SYNCRIP: variants seen among roughly 807,000 people sequenced by gnomAD.
SYNCRIP encodes heterogeneous nuclear ribonucleoprotein Q.
Under a neutral mutation model 68.9 loss-of-function variants are expected in SYNCRIP, and 9 were observed. The observed-to-expected ratio is 0.13, with a 90% CI of 0.08 to 0.23. The LOEUF (loss-of-function observed/expected upper bound fraction) is 0.23. Among genes scored for constraint, SYNCRIP ranks in the 10% least tolerant of loss-of-function variants. SYNCRIP has a pLI of 1.00. For missense variants in SYNCRIP, 414 were observed against 770.6 expected (o/e 0.54, Z 5.48); for synonymous variants, 258 against 254.0 (o/e 1.02, Z -0.15).
chr6:85,609,179 A>G (rs1370717337), downstream of SYNCRIP: 1 of 151,906 alleles, frequency 6.6e-6, no homozygotes, highest in Non-Finnish European at 1.5e-5. Flanking sequence ...TATTCCTGTA[A>G]GTTTGACGAA....
intron 8 of SYNCRIP, 105 bp from the exon 9 acceptor site, chr6:85,619,522 G>T: frequency 3.1e-6 from 3 of 966,414 alleles, no homozygotes; most frequent in Non-Finnish European, 2.9e-6. Context: ...TCCATTAGAA[G>T]AATGTCAGAA....
Position 85,614,704 on chromosome 6 carries a change from T to A in SYNCRIP, c.*52A>T. The A allele has an allele frequency of 6.6e-7, 1 of 1,507,900 alleles. No homozygotes were observed. Among genetic ancestry groups the A allele is most frequent in the South Asian group, 1.4e-5 (1 of 73,318 alleles). The allele number at this position is 1,507,900 out of a possible 1,614,324, so 93.4% of individuals were successfully genotyped here. On this transcript the variant is annotated 3_prime_UTR_variant, in exon 11 of 11. Transcript: ENST00000369622. ...TAGCGGCACCCGTTCAGATTTAGGG[T>A]GAGTTTCTGATCAACCTATCAGTCT...
At chr6:85,627,946 T>C (rs1807249732) in intron 6 of SYNCRIP, among the ~76,000 whole-genome samples, 1 of 152,178 alleles carries the variant, frequency 6.6e-6, no homozygotes, top group South Asian at 2.1e-4. Context: ...AGTCACCAAA[T>C]TCCCAGAAAT....
intron 3 of SYNCRIP, 27 bp from the exon 4 acceptor site, chr6:85,640,355 T>A: frequency 6.2e-7 from 1 of 1,602,912 alleles, no homozygotes; most frequent in Non-Finnish European, 8.5e-7. Flanking sequence ...CATTAATATT[T>A]AACAATAACC....
At chr6:85,632,992 C>A (rs1807990818) in intron 6 of SYNCRIP, among the ~76,000 whole-genome samples, 1 of 152,064 alleles carries the variant, frequency 6.6e-6, no homozygotes, top group Non-Finnish European at 1.5e-5. Context: ...GTGGCTCACA[C>A]CTGTAATCCC....
At chr6:85,636,736 T>C (rs1004652233) in intron 6 of SYNCRIP, among the ~76,000 whole-genome samples, 1 of 152,322 alleles carries the variant, frequency 6.6e-6, no homozygotes, top group East Asian at 1.9e-4. Context: ...CAGATGTTTA[T>C]AAGAACCAAT....
At chr6:85,629,981 CAA>C (rs71551492) in intron 6 of SYNCRIP, among the ~76,000 whole-genome samples, 11 of 120,198 alleles carry the variant, frequency 9.2e-5, no homozygotes, top group Admixed American at 1.7e-4. Flanking sequence ...GGATTTGTCT[CAA>C]AAAAAAAAAA....
At chr6:85,642,400 A>AGC (rs1474117637) in intron 1 of SYNCRIP, among the ~76,000 whole-genome samples, 1 of 152,144 alleles carries the variant, frequency 6.6e-6, no homozygotes, top group Admixed American at 6.5e-5. Context: ...GAGGGCGTTC[A>AGC]GCGGACGGCT....
At chr6:85,638,336 G>A (rs935700389) in intron 4 of SYNCRIP, among the ~76,000 whole-genome samples, 4 of 128,618 alleles carry the variant, frequency 3.1e-5, no homozygotes, top group Non-Finnish European at 4.6e-5. Context: ...AGCGGAGATC[G>A]CGCCACTGCA....
At chr6:85,609,387 C>T (rs1003643600), downstream of SYNCRIP, 1 of 151,874 alleles carries the variant, frequency 6.6e-6, no homozygotes, top group Admixed American at 6.6e-5. Flanking sequence ...TCATTCTATT[C>T]TTTAAAAACT....
chr6:85,607,869 C>T (rs1009949422), downstream of SYNCRIP: 1 of 151,944 alleles, frequency 6.6e-6, no homozygotes, highest in African/African-American at 2.4e-5. Flanking sequence ...AGCTTCTTTT[C>T]GATAATCAAT....
chr6:85,618,425 C>CAGCT (rs111968351), intron 10 of SYNCRIP, among the ~76,000 whole-genome samples: 2,106 of 151,822 alleles, frequency 0.014, 44 homozygotes, highest in African/African-American at 0.049. Context: ...GCCTGTAACC[C>CAGCT]AGCTACTCAG....
At chr6:85,617,229 A>AC (rs1333572486) in intron 10 of SYNCRIP, among the ~76,000 whole-genome samples, 1 of 152,006 alleles carries the variant, frequency 6.6e-6, no homozygotes, top group Non-Finnish European at 1.5e-5. Flanking sequence ...GTAGCAAGTT[A>AC]AAGTACGAAA....
At chr6:85,642,416 C>T (rs1017537524) in intron 1 of SYNCRIP, among the ~76,000 whole-genome samples, 2 of 152,186 alleles carry the variant, frequency 1.3e-5, no homozygotes, top group African/African-American at 4.8e-5. Flanking sequence ...CGGCTCAACG[C>T]CCGCGGGACC....
intron 2 of SYNCRIP, 31 bp downstream of exon 2, chr6:85,641,260 CA>C: frequency 6.3e-7 from 1 of 1,578,530 alleles, no homozygotes; most frequent in Non-Finnish European, 8.6e-7. Context: ...AGAAAAATTT[CA>C]TAATGTAATT....
chr6:85,633,560 C>T (rs1808080936), intron 6 of SYNCRIP, among the ~76,000 whole-genome samples: 1 of 152,178 alleles, frequency 6.6e-6, no homozygotes, highest in African/African-American at 2.4e-5. Flanking sequence ...CACTGCACCC[C>T]AGCCTGGGCA....
At chr6:85,613,945 T>A, downstream of SYNCRIP, 1 of 973,010 alleles carries the variant, frequency 1.0e-6, no homozygotes, top group Non-Finnish European at 1.2e-6. Flanking sequence ...TCATCACAAT[T>A]AAGAACTCTA....
At chr6:85,620,717 A>C (rs1053737192) in intron 8 of SYNCRIP, among the ~76,000 whole-genome samples, 12 of 152,222 alleles carry the variant, frequency 7.9e-5, no homozygotes, top group African/African-American at 2.9e-4. Flanking sequence ...ACTGGTAGTG[A>C]GGAAGGCTGT....
chr6:85,622,396 C>G, intron 8 of SYNCRIP, 86 bp downstream of exon 8: 1 of 1,232,156 alleles, frequency 8.1e-7, no homozygotes, highest in Non-Finnish European at 1.2e-6. Context: ...AAAATGTATA[C>G]TGTTCATTTT....
Sources: allele counts gnomAD v4.1 joint callset (sites outside exome capture counted in the v4.1 genomes callset), GRCh38; gene constraint gnomAD v4.1.1; transcripts MANE v1.5; gene names NCBI Gene and HGNC (gene_info 2026-07-23, HGNC 2026-07-21).